Variants in RIIAD1 observed in about 807,000 individuals in gnomAD.
RIIAD1 encodes the protein RIIa domain-containing protein 1.
Under a neutral mutation model 13.3 loss-of-function variants are expected in RIIAD1, and 15 were observed. That is an observed-to-expected ratio of 1.13 (90% CI 0.76 to 1.74). RIIAD1 has a LOEUF of 1.74. Among genes scored for constraint, RIIAD1 ranks in the 40% most tolerant of loss-of-function variants. The pLI, the probability that RIIAD1 is intolerant of heterozygous loss-of-function variation, is 0.00. For synonymous variants in RIIAD1, 50 were observed against 43.3 expected, an observed-to-expected ratio of 1.16 and a Z score of -0.61; for missense variants, 121 against 112.2, an observed-to-expected ratio of 1.08 and a Z score of -0.35.
chr1:151,722,795 T>C (rs6696250), intron 2 of RIIAD1, among the ~76,000 whole-genome samples: 59,360 of 152,064 alleles, frequency 0.39, 13,182 homozygotes, highest in Non-Finnish European at 0.52. Flanking sequence ...GCTGTCAATC[T>C]TCTGTTACTG....
At chr1:151,714,624 G>C in intron 4 of RIIAD1, 3 of 1,560,030 alleles carry the variant, frequency 1.9e-6, no homozygotes, top group Non-Finnish European at 2.6e-6. Context: ...CGTGCAGGGC[G>C]CTCTGGGCCT....
chr1:151,723,580 A>G (rs1249367032), intron 2 of RIIAD1, among the ~76,000 whole-genome samples: 1 of 152,026 alleles, frequency 6.6e-6, no homozygotes, highest in Non-Finnish European at 1.5e-5. Flanking sequence ...CGTGCCTGTA[A>G]TCCCAGCTAC....
At chr1:151,720,828 T>C (rs1673722821), upstream of RIIAD1, among the ~76,000 whole-genome samples, 1 of 152,206 alleles carries the variant, frequency 6.6e-6, no homozygotes, top group Non-Finnish European at 1.5e-5. Context: ...CACTTTCTCT[T>C]CTTAATTAGA....
intron 2 of RIIAD1, among the ~76,000 whole-genome samples, 171 bp downstream of exon 2, chr1:151,722,333 G>A (rs1673753083): frequency 6.6e-6 from 1 of 152,156 alleles, no homozygotes; most frequent in East Asian, 1.9e-4. Flanking sequence ...TTGGCGTTGC[G>A]AAACCCAACA....
chr1:151,721,559 T>C lies in RIIAD1; in HGVS notation c.23T>C (p.Leu8Pro), dbSNP rs1673735361. 2 of 1,330,484 alleles carry C rather than the reference T, an allele frequency of 1.5e-6. No homozygotes were observed. Among genetic ancestry groups the C allele is most frequent in the Non-Finnish European group, 1.9e-6 (2 of 1,038,640 alleles). 82.4% of individuals were successfully genotyped at this position (1,330,484 alleles called of 1,614,324 possible). ...AAGATGGAGACGCTGCCAGGCTTGC[T>C]GCAGCGGCCCGACCCCGGGGCGCTT... is the stretch of plus-strand genomic sequence containing the variant. METLPGLLQRPDPGALSA... is the reference protein window; with the variant it reads METLPGLPQRPDPGALSA... The change falls in exon 1 of 5, where the codon CTG becomes CCG. Residue 8 changes from leucine (L) to proline (P), a missense_variant. By Grantham distance (98) the Leu-to-Pro change is moderately conservative. Transcript: ENST00000479191.
chr1:151,719,689 G>A (rs896507833), upstream of RIIAD1: 9 of 702,530 alleles, frequency 1.3e-5, no homozygotes, highest in Admixed American at 1.2e-4. Flanking sequence ...CAAGTGGAAG[G>A]TAAGACAGGC....
Position 151,715,044 on chromosome 1 carries a change from C to T in RIIAD1, c.21+515C>T, listed in dbSNP as rs61815072. Among the ~76,000 whole-genome samples the T allele has an allele frequency of 9.9e-4, 150 of 152,196 alleles. 1 individual carries two copies. Among genetic ancestry groups the T allele is most frequent in the Middle Eastern group, 3.4e-3 (1 of 294 alleles). ...CCTCCACCTCCCTCCATCTTGATCA[C>T]CATCATCCCTCTCTTCTCCCATTTT... On this transcript the variant is annotated intron_variant, in intron 4 of 8. Transcript: ENST00000326413.
In RIIAD1 at chr1:151,714,115, T is replaced by C. The variant is rs1336186475; in HGVS notation, c.-89-305T>C. Among the ~76,000 whole-genome samples the C allele has an allele frequency of 2.6e-5, 4 of 152,192 alleles. No individual in the cohort carries two copies. In the East Asian group the frequency reaches 7.7e-4, roughly 29 times the overall value. On this transcript the variant is annotated intron_variant, in intron 3 of 8. Transcript: ENST00000326413. Reference sequence around the variant, plus strand: ...CTCTTCCTGGGAGACAGAAGGGAGATGAGAGCTCAAGAACCAGCACCGAGA... The same window carrying C: ...CTCTTCCTGGGAGACAGAAGGGAGACGAGAGCTCAAGAACCAGCACCGAGA...
chr1:151,728,234 G>A (rs1309716979), intron 3 of RIIAD1: 1 of 167,200 alleles, frequency 6.0e-6, no homozygotes, highest in East Asian at 1.7e-4. Flanking sequence ...AGTATGCTGG[G>A]TGTATAAAAA....
Position 151,721,578 on chromosome 1 carries a change from G to A in RIIAD1, c.42G>A (p.Gly14=). 1 of 1,320,978 alleles carries A rather than the reference G, an allele frequency of 7.6e-7. No homozygotes were observed. The highest frequency in any genetic ancestry group is 3.8e-5 in the Admixed American group (1 of 26,044). The allele number at this position is 1,320,978 out of a possible 1,614,324, so 81.8% of individuals were successfully genotyped here. Residue 14 remains glycine, a synonymous_variant, in exon 1 of 5, where the codon GGG becomes GGA. Coordinates refer to ENST00000479191, the MANE Select transcript of RIIAD1 (RefSeq NM_001144956.3). ...LPGLLQRPDP[G]ALSAAQLEQL... is the part of the protein sequence containing the mutation. Reference sequence around the variant, plus strand: ...GCTTGCTGCAGCGGCCCGACCCCGGGGCGCTTAGCGCAGCGCAGCTGGAGC... The same window carrying A: ...GCTTGCTGCAGCGGCCCGACCCCGGAGCGCTTAGCGCAGCGCAGCTGGAGC...
Position 151,723,223 on chromosome 1 carries a change from C to T in RIIAD1, c.161+1061C>T, listed in dbSNP as rs12561957. On this transcript the variant is annotated intron_variant, in intron 2 of 4. Coordinates refer to ENST00000479191, the MANE Select transcript of RIIAD1 (RefSeq NM_001144956.3). ...CAGCCTGACCAACATGGTGAAACCC[C>T]GTCTCTACTAAAAATACAAAATTAG... Among the ~76,000 whole-genome samples, 72 of 151,216 alleles carry T rather than the reference C, an allele frequency of 4.8e-4. No individual in the cohort carries two copies. The East Asian group carries it at 0.01, about 21-fold the overall frequency.
chr1:151,727,097 TGGG>T (rs1238269160), intron 2 of RIIAD1, among the ~76,000 whole-genome samples: 5 of 152,072 alleles, frequency 3.3e-5, no homozygotes, highest in Non-Finnish European at 5.9e-5. Context: ...GAAACCAGCC[TGGG>T]CCACATAGTA....
intron 1 of RIIAD1, 146 bp from the exon 2 acceptor site, chr1:151,721,940 A>G: frequency 1.6e-6 from 1 of 638,668 alleles, no homozygotes; most frequent in Non-Finnish European, 2.8e-6. Flanking sequence ...TTTATCTGTA[A>G]GAAGATGGGT....
chr1:151,718,074 G>T (rs1441819020), upstream of RIIAD1, among the ~76,000 whole-genome samples: 1 of 152,164 alleles, frequency 6.6e-6, no homozygotes, highest in East Asian at 1.9e-4. Flanking sequence ...GGGTAGGGCT[G>T]CTGTTTCCAC....
At chr1:151,720,871 C>G (rs1323985072), upstream of RIIAD1, among the ~76,000 whole-genome samples, 1 of 152,150 alleles carries the variant, frequency 6.6e-6, no homozygotes, top group Non-Finnish European at 1.5e-5. Context: ...GACCAAATTC[C>G]CTTTCTCCTC....
upstream of RIIAD1, chr1:151,716,858 A>C (rs1017449983): frequency 5.1e-5 from 23 of 447,684 alleles, no homozygotes; most frequent in Non-Finnish European, 9.2e-5. Flanking sequence ...GACATCAGTG[A>C]TGTCAGTCTC....
chr1:151,712,572 T>G (rs888236266), intron 2 of RIIAD1, among the ~76,000 whole-genome samples: 1 of 152,060 alleles, frequency 6.6e-6, no homozygotes, highest in Non-Finnish European at 1.5e-5. Flanking sequence ...CAACCCCCAC[T>G]CCACCACCTC....
chr1:151,714,334 G>T (rs1673276556), intron 3 of RIIAD1: 1 of 605,180 alleles, frequency 1.7e-6, no homozygotes, highest in East Asian at 2.8e-5. Context: ...TGCCCCATGG[G>T]CAGCTTGGGA....
chr1:151,728,713 A>G (rs531200537), intron 3 of RIIAD1, 53 bp from the exon 4 acceptor site: 1 of 1,095,360 alleles, frequency 9.1e-7, no homozygotes, highest in African/African-American at 1.6e-5. Flanking sequence ...TTCCATGGGT[A>G]AATCTTTTCC....
Sources: allele counts gnomAD v4.1 joint callset (sites outside exome capture counted in the v4.1 genomes callset), GRCh38; gene constraint gnomAD v4.1.1; transcripts MANE v1.5; gene names NCBI Gene and HGNC (gene_info 2026-07-23, HGNC 2026-07-21).